ARL3: variants seen among roughly 807,000 people sequenced by gnomAD.
The protein encoded by ARL3 is ARF like GTPase 3.
Under a neutral mutation model 26.0 loss-of-function variants are expected in ARL3, and 9 were observed. That is an observed-to-expected ratio of 0.35 (90% CI 0.21 to 0.60). The LOEUF (loss-of-function observed/expected upper bound fraction) is 0.60. Ranked by LOEUF, ARL3 falls within the 20% of genes least tolerant of loss-of-function variation. ARL3 has a pLI of 0.78. For synonymous variants in ARL3, 71 were observed against 78.4 expected, an observed-to-expected ratio of 0.91 and a Z score of 0.50; for missense variants, 158 against 215.7, an observed-to-expected ratio of 0.73 and a Z score of 1.67.
At chr10:102,700,672 G>A (rs973227003) in intron 2 of ARL3, among the ~76,000 whole-genome samples, 5 of 151,010 alleles carry the variant, frequency 3.3e-5, no homozygotes, top group African/African-American at 1.2e-4. Flanking sequence ...CACCATATTG[G>A]TCAGGCTGGT....
chr10:102,703,529 C>T (rs2136007476), intron 2 of ARL3, among the ~76,000 whole-genome samples: 1 of 147,000 alleles, frequency 6.8e-6, no homozygotes, highest in Non-Finnish European at 1.5e-5. Context: ...CTGCAAGCTC[C>T]ACCTCCTGGG....
intron 1 of ARL3, among the ~76,000 whole-genome samples, chr10:102,710,711 A>G (rs2064334000): frequency 6.6e-6 from 1 of 152,232 alleles, no homozygotes; most frequent in South Asian, 2.1e-4. Context: ...AGTTAAAAGT[A>G]TATTGTGTGT....
intron 4 of ARL3, among the ~76,000 whole-genome samples, chr10:102,686,448 A>C (rs1301591319): frequency 1.3e-5 from 2 of 149,394 alleles, no homozygotes; most frequent in Admixed American, 1.3e-4. Context: ...AGTGATTCTC[A>C]AACTTTTTTT....
At chr10:102,701,481 T>TGCC (rs1316742450) in intron 2 of ARL3, among the ~76,000 whole-genome samples, 1 of 152,180 alleles carries the variant, frequency 6.6e-6, no homozygotes, top group Non-Finnish European at 1.5e-5. Context: ...CTCACTTCTC[T>TGCC]AACACGCCAA....
chr10:102,713,577 G>C (rs2064360369), intron 1 of ARL3, among the ~76,000 whole-genome samples: 1 of 152,138 alleles, frequency 6.6e-6, no homozygotes, highest in Non-Finnish European at 1.5e-5. Flanking sequence ...ATTATGTATT[G>C]AATGAAAAAT....
chr10:102,691,555 CAT>C (rs1294573660), intron 3 of ARL3, among the ~76,000 whole-genome samples: 1 of 152,132 alleles, frequency 6.6e-6, no homozygotes, highest in Non-Finnish European at 1.5e-5. Context: ...ATAATTTTCA[CAT>C]GTTGTGAAAC....
intron 3 of ARL3, among the ~76,000 whole-genome samples, chr10:102,692,535 C>A (rs2136001767): frequency 6.6e-6 from 1 of 151,990 alleles, no homozygotes; most frequent in South Asian, 2.1e-4. Flanking sequence ...CCTGCCTCAG[C>A]TTCTCGAGGA....
At chr10:102,710,862 G>A (rs185426524) in intron 1 of ARL3, among the ~76,000 whole-genome samples, 184 of 152,246 alleles carry the variant, frequency 1.2e-3, no homozygotes, top group African/African-American at 3.9e-3. Flanking sequence ...TATCTGCCTC[G>A]AAATCAGCTT....
chr10:102,701,175 G>A (rs545525271), intron 2 of ARL3, among the ~76,000 whole-genome samples: 225 of 152,260 alleles, frequency 1.5e-3, no homozygotes, highest in Non-Finnish European at 2.8e-3. Context: ...CCCAGAGAAT[G>A]TATTGCATGA....
rs1308078276 is a variant in ARL3, at chr10:102,676,260, G to T, written c.*634C>A. The T allele has an allele frequency of 9.9e-6, 1 of 101,130 alleles. No homozygotes were observed. The allele number at this position is 101,130 out of a possible 1,614,324, so 6.3% of individuals were successfully genotyped here. A position where few individuals can be genotyped will look rare whatever the true frequency, so the allele number is the denominator to read the frequency against. On this transcript the variant is annotated 3_prime_UTR_variant, in exon 6 of 6. Transcript: ENST00000260746. The stretch of plus-strand genomic sequence containing the variant: ...TCTGTAGTGACTTGTCTGCAAGAAA[G>T]ACTTTTTTTTTTTTTTCTGTCCAAA...
intron 2 of ARL3, among the ~76,000 whole-genome samples, chr10:102,704,328 G>A (rs921578188): frequency 1.5e-4 from 23 of 151,748 alleles, no homozygotes; most frequent in African/African-American, 5.6e-4. Flanking sequence ...CATAATCAGA[G>A]AAGATAAAGC....
intron 2 of ARL3, 74 bp downstream of exon 2, chr10:102,705,272 T>C (rs1323698614): frequency 2.7e-6 from 4 of 1,458,638 alleles, no homozygotes; most frequent in African/African-American, 1.4e-5. Flanking sequence ...AAACTGTATT[T>C]CCCATTTTGT....
chr10:102,704,151 CAAAAAAAAAA>C (rs56326932), intron 2 of ARL3, among the ~76,000 whole-genome samples: 1 of 46,094 alleles, frequency 2.2e-5, no homozygotes, highest in African/African-American at 9.3e-5. Flanking sequence ...ACTCTGTCTC[CAAAAAAAAAA>C]AAAAAAAAAA....
chr10:102,698,268 C>G (rs1437178154), intron 3 of ARL3, among the ~76,000 whole-genome samples: 1 of 151,664 alleles, frequency 6.6e-6, no homozygotes, highest in Non-Finnish European at 1.5e-5. Context: ...GTGGCCTGAT[C>G]TCAATCTGGG....
intron 4 of ARL3, among the ~76,000 whole-genome samples, chr10:102,689,552 C>CA (rs1277175317): frequency 1.3e-5 from 2 of 152,078 alleles, no homozygotes; most frequent in Non-Finnish European, 2.9e-5. Context: ...ATATACTAGG[C>CA]TGGGCGTGGT....
At chr10:102,689,771 T>G (rs1590122151) in intron 4 of ARL3, 122 bp downstream of exon 4, 1 of 457,388 alleles carries the variant, frequency 2.2e-6, no homozygotes, top group Non-Finnish European at 3.9e-6. Flanking sequence ...GAGGTTGGGG[T>G]GAGCCGAGAT....
chr10:102,687,382 A>C (rs1236229042), intron 4 of ARL3, among the ~76,000 whole-genome samples: 1 of 151,606 alleles, frequency 6.6e-6, no homozygotes, highest in Non-Finnish European at 1.5e-5. Flanking sequence ...ACCTCAGGTG[A>C]TTGCCACCAT....
In ARL3 at chr10:102,681,480, G is replaced by A. The variant is rs186376157; in HGVS notation, c.501+4336C>T. ...AAAGAAGCAAAACCAAGAAATGGGCGAGTGAGCATTTAGTGTTCCTCTGGA... is the reference window on the plus strand; with the variant it reads ...AAAGAAGCAAAACCAAGAAATGGGCAAGTGAGCATTTAGTGTTCCTCTGGA... On this transcript the variant is annotated intron_variant, in intron 5 of 5. Coordinates refer to ENST00000260746, the MANE Select transcript of ARL3 (RefSeq NM_004311.4). 8.5e-5 allele frequency among the ~76,000 whole-genome samples: 13 copies of A among 152,186 alleles called. No homozygotes were observed. The Middle Eastern group carries it at 0.01, about 119-fold the overall frequency.
At chr10:102,708,619 G>A (rs1280156173) in intron 1 of ARL3, among the ~76,000 whole-genome samples, 4 of 151,872 alleles carry the variant, frequency 2.6e-5, no homozygotes, top group African/African-American at 9.7e-5. Flanking sequence ...CACTTTGGGA[G>A]GCCGAGGTGG....
Sources: allele counts gnomAD v4.1 joint callset (sites outside exome capture counted in the v4.1 genomes callset), GRCh38; gene constraint gnomAD v4.1.1; transcripts MANE v1.5; gene names NCBI Gene and HGNC (gene_info 2026-07-23, HGNC 2026-07-21).